KCNMA1: variants seen among roughly 807,000 people sequenced by gnomAD.
KCNMA1 encodes potassium calcium-activated channel subfamily M alpha 1.
KCNMA1 carries 29 observed loss-of-function variants against 140.0 expected under a neutral mutation model. The observed-to-expected ratio is 0.21, with a 90% CI of 0.15 to 0.28. The LOEUF (loss-of-function observed/expected upper bound fraction) is 0.28, where lower values mean the gene tolerates loss of function less well. KCNMA1 is among the 10% of genes least tolerant of loss of function. KCNMA1 has a pLI of 1.00. For synonymous variants in KCNMA1, 612 were observed against 611.9 expected (o/e 1.00, Z 0.00); for missense variants, 880 against 1,602.2 (o/e 0.55, Z 7.70).
At chr10:77,170,175 T>C (rs1208830578) in intron 5 of KCNMA1, among the ~76,000 whole-genome samples, 1 of 151,866 alleles carries the variant, frequency 6.6e-6, no homozygotes, top group Admixed American at 6.6e-5. Flanking sequence ...TGGGCAACAA[T>C]GCAAGACCCA....
intron 2 of KCNMA1, among the ~76,000 whole-genome samples, chr10:77,254,913 G>A (rs1437932003): frequency 1.3e-5 from 2 of 152,292 alleles, no homozygotes; most frequent in African/African-American, 4.8e-5. Context: ...CATAGAATAA[G>A]ACAATAACCA....
intron 1 of KCNMA1, among the ~76,000 whole-genome samples, chr10:77,565,908 G>A (rs895945730): frequency 3.3e-5 from 5 of 151,554 alleles, no homozygotes; most frequent in Non-Finnish European, 5.9e-5. Context: ...CAGCCCTAAC[G>A]CTCTCACCAG....
intron 10 of KCNMA1, among the ~76,000 whole-genome samples, chr10:77,088,107 T>G (rs1266723927): frequency 6.6e-6 from 1 of 152,148 alleles, no homozygotes; most frequent in Non-Finnish European, 1.5e-5. Flanking sequence ...ATTATAGGCA[T>G]GTGCCACCAT....
intron 16 of KCNMA1, among the ~76,000 whole-genome samples, chr10:77,025,240 G>GTA (rs1384161555): frequency 0.033 from 2,138 of 64,922 alleles, 41 homozygotes; most frequent in Non-Finnish European, 0.044. Flanking sequence ...AGGGGTGTGT[G>GTA]TGTATATATA....
Position 77,440,994 on chromosome 10 carries a change from G to GTT in KCNMA1, c.379-36973_379-36972dup, listed in dbSNP as rs34419689. Among the ~76,000 whole-genome samples, 149 of 149,662 alleles carry GTT rather than the reference G, an allele frequency of 1.0e-3. 1 individual carries two copies. Among genetic ancestry groups the GTT allele is most frequent in the African/African-American group, 3.5e-3 (144 of 40,744 alleles). On this transcript the variant is annotated intron_variant, in intron 1 of 27. Coordinates refer to ENST00000286628, the MANE Select transcript of KCNMA1 (RefSeq NM_001161352.2). ...CCACCATGCCTGGCTAATTTTTTCT[G>GTT]TTTTTTTTTCAGTAGAGACGGGGTT... is the stretch of plus-strand genomic sequence containing the variant.
At position 77,555,116 on chromosome 10, in the gene KCNMA1, T is replaced by C. The variant is rs77993913; in HGVS notation, c.378+82149A>G. ...CAGATGAAGAACTTCCCCAGTCCAG[T>C]GCAGATTTAAGAAAGAGGACACTGA... On this transcript the variant is annotated intron_variant, in intron 1 of 27. Transcript: ENST00000286628. Among the ~76,000 whole-genome samples, 814 of 151,740 alleles carry C rather than the reference T, an allele frequency of 5.4e-3. 7 individuals carry two copies. Among genetic ancestry groups the C allele is most frequent in the African/African-American group, 0.019 (765 of 41,222 alleles).
In KCNMA1 at chr10:76,952,309, A is replaced by G. The variant is rs2066572627; in HGVS notation, c.2484+1492T>C. The G allele has an allele frequency of 9.0e-6, 7 of 781,190 alleles. No individual in the cohort carries two copies. In the South Asian group the frequency reaches 1.4e-4, roughly 16 times the overall value. The allele number at this position is 781,190 out of a possible 1,614,324, so 48.4% of individuals were successfully genotyped here. A position where few individuals can be genotyped will look rare whatever the true frequency, so the allele number is the denominator to read the frequency against. ...GCCAAGGTTGGCGGATCATGAGCTC[A>G]AGAAATCGAGACCATCCTGGCCAAT... is the stretch of plus-strand genomic sequence containing the variant. On this transcript the variant is annotated intron_variant, in intron 21 of 27. Coordinates refer to ENST00000286628, the MANE Select transcript of KCNMA1 (RefSeq NM_001161352.2).
At chr10:77,516,550 G>C (rs1272847108) in intron 1 of KCNMA1, among the ~76,000 whole-genome samples, 2 of 152,232 alleles carry the variant, frequency 1.3e-5, no homozygotes, top group Non-Finnish European at 1.5e-5. Flanking sequence ...ACAGTAAACA[G>C]TGGTTACCCG....
intron 1 of KCNMA1, among the ~76,000 whole-genome samples, chr10:77,506,844 T>A (rs61423793): frequency 0.3 from 23,977 of 81,216 alleles, 2,062 homozygotes; most frequent in East Asian, 0.38. Flanking sequence ...AGAGAGAGTG[T>A]GTGTGTGTGT....
At chr10:77,415,617 T>A (rs1200641031) in intron 1 of KCNMA1, among the ~76,000 whole-genome samples, 2 of 152,242 alleles carry the variant, frequency 1.3e-5, no homozygotes, top group African/African-American at 4.8e-5. Context: ...CATAAAAGAA[T>A]GCAGAAATCT....
chr10:77,084,545 C>T, intron 12 of KCNMA1, 92 bp downstream of exon 12: 6 of 984,966 alleles, frequency 6.1e-6, no homozygotes, highest in Non-Finnish European at 9.5e-6. Context: ...AAAAAGGCCT[C>T]ATAGAGATAG....
At chr10:77,479,701 CA>C (rs1281639134) in intron 1 of KCNMA1, among the ~76,000 whole-genome samples, 2 of 152,178 alleles carry the variant, frequency 1.3e-5, no homozygotes, top group East Asian at 3.9e-4. Context: ...AACCGGACCC[CA>C]GAAGCCTAAG....
intron 5 of KCNMA1, among the ~76,000 whole-genome samples, chr10:77,145,326 T>C (rs1478578245): frequency 1.3e-5 from 2 of 151,426 alleles, no homozygotes; most frequent in Non-Finnish European, 3.0e-5. Flanking sequence ...CAAGAAAGGA[T>C]TTCTTATAAA....
At chr10:77,036,312 C>G (rs2094328516) in intron 15 of KCNMA1, among the ~76,000 whole-genome samples, 1 of 152,158 alleles carries the variant, frequency 6.6e-6, no homozygotes, top group Non-Finnish European at 1.5e-5. Flanking sequence ...TCTGCCCCCA[C>G]TGCCTCTTTT....
chr10:77,313,751 G>A (rs970935321), intron 2 of KCNMA1, among the ~76,000 whole-genome samples: 2 of 152,182 alleles, frequency 1.3e-5, no homozygotes, highest in Non-Finnish European at 2.9e-5. Context: ...GGATGGATGA[G>A]GAAGTGAATC....
rs191941729 is a variant in KCNMA1, at chr10:76,992,179, A to G, written c.2266+9228T>C. ...TTTTTTCTTGCTGTTTCCCTTGAAT[A>G]TGAGAGATTAGCTCCCCCTGAGGAT... On this transcript the variant is annotated intron_variant, in intron 19 of 27. Coordinates refer to ENST00000286628, the MANE Select transcript of KCNMA1 (RefSeq NM_001161352.2). Among the ~76,000 whole-genome samples the G allele has an allele frequency of 1.4e-4, 22 of 152,300 alleles. No homozygotes were observed. In the East Asian group the frequency reaches 3.9e-3, roughly 27 times the overall value.
chr10:77,614,136 A>G (rs1228551640), intron 1 of KCNMA1, among the ~76,000 whole-genome samples: 1 of 152,236 alleles, frequency 6.6e-6, no homozygotes, highest in Non-Finnish European at 1.5e-5. Flanking sequence ...AGCTTCCAGA[A>G]AAAATTAAAT....
chr10:77,053,437 G>C (rs1038670763), intron 14 of KCNMA1, among the ~76,000 whole-genome samples: 2 of 152,214 alleles, frequency 1.3e-5, no homozygotes, highest in African/African-American at 4.8e-5. Context: ...TAGCCTTAGG[G>C]AGTGGAGGGT....
chr10:77,549,715 C>T (rs1403829633), intron 1 of KCNMA1, among the ~76,000 whole-genome samples: 1 of 152,234 alleles, frequency 6.6e-6, no homozygotes, highest in Non-Finnish European at 1.5e-5. Context: ...CCTGTCTAAA[C>T]ATCCCACCAG....
Sources: allele counts gnomAD v4.1 joint callset (sites outside exome capture counted in the v4.1 genomes callset), GRCh38; gene constraint gnomAD v4.1.1; transcripts MANE v1.5; gene names NCBI Gene and HGNC (gene_info 2026-07-23, HGNC 2026-07-21).